The following DNAL1 variants were observed in gnomAD, a reference collection of about 807,000 sequenced individuals.
DNAL1 encodes the protein dynein axonemal light chain 1, also known as chromosome 14 open reading frame 168.
A neutral mutation model predicts 29.4 loss-of-function variants in DNAL1; 17 were observed. That is an observed-to-expected ratio of 0.58 (90% CI 0.40 to 0.87). The LOEUF (loss-of-function observed/expected upper bound fraction) is 0.87. Ranked by LOEUF, DNAL1 falls within the 40% of genes least tolerant of loss-of-function variation. The pLI is 0.00. For synonymous variants in DNAL1, 78 were observed against 76.3 expected (o/e 1.02, Z -0.12); for missense variants, 188 against 214.1 (o/e 0.88, Z 0.76).
intron 2 of DNAL1, among the ~76,000 whole-genome samples, chr14:73,658,262 G>A (rs950059541): frequency 1.6e-4 from 25 of 152,184 alleles, no homozygotes; most frequent in African/African-American, 6.0e-4. Context: ...ATTGGTCTGT[G>A]TATCTGCTTT....
Position 73,658,932 on chromosome 14 carries a change from C to G in DNAL1, c.128C>G (p.Ser43Cys). ...CCCCCTATAGAGAAGATGGATGCAT[C>G]CTTGTCCATGCTTGCTAATTGCGAG... ...QIPPIEKMDASLSMLANCEKL... is the reference protein window; with the variant it reads ...QIPPIEKMDACLSMLANCEKL... Residue 43 changes from serine to cysteine, a missense_variant, in exon 3 of 8, where the codon TCC (serine) becomes TGC (cysteine). By Grantham distance (112) the Ser-to-Cys change is moderately radical. Transcript: ENST00000553645. 1 of 1,537,562 alleles carries G rather than the reference C, an allele frequency of 6.5e-7. No homozygotes were observed. The highest frequency in any genetic ancestry group is 8.8e-7 in the Non-Finnish European group (1 of 1,141,420).
intron 5 of DNAL1, among the ~76,000 whole-genome samples, chr14:73,672,651 G>A (rs998524820): frequency 6.6e-6 from 1 of 151,106 alleles, no homozygotes; most frequent in Non-Finnish European, 1.5e-5. Flanking sequence ...TCAGATTCTG[G>A]GATTAAATAA....
chr14:73,693,245 AACC>A (rs1892219677), intron 7 of DNAL1, among the ~76,000 whole-genome samples: 1 of 150,446 alleles, frequency 6.6e-6, no homozygotes, highest in Non-Finnish European at 1.5e-5. Context: ...AACTTGGTAT[AACC>A]ACTTTGGGAA....
intron 4 of DNAL1, among the ~76,000 whole-genome samples, chr14:73,669,820 C>T (rs1222004269): frequency 2.6e-5 from 4 of 152,176 alleles, no homozygotes; most frequent in Non-Finnish European, 5.9e-5. Context: ...CCGGGGGACA[C>T]AGTTCAGCCC....
chr14:73,661,398 A>G (rs1425229253), intron 3 of DNAL1, among the ~76,000 whole-genome samples: 2 of 152,126 alleles, frequency 1.3e-5, no homozygotes, highest in African/African-American at 4.8e-5. Flanking sequence ...TTTCAGTAGG[A>G]TGTATTTCTA....
At chr14:73,667,762 A>G (rs1238212735) in intron 4 of DNAL1, among the ~76,000 whole-genome samples, 1 of 152,138 alleles carries the variant, frequency 6.6e-6, no homozygotes, top group Non-Finnish European at 1.5e-5. Flanking sequence ...TTGGCCTCCC[A>G]AAGTTCTGGG....
intron 4 of DNAL1, among the ~76,000 whole-genome samples, chr14:73,663,859 C>A (rs1326211985): frequency 6.6e-6 from 1 of 152,220 alleles, no homozygotes; most frequent in Non-Finnish European, 1.5e-5. Flanking sequence ...AAACTCCTCT[C>A]ACCTCTGTAG....
chr14:73,669,412 G>A (rs187914932), intron 4 of DNAL1, among the ~76,000 whole-genome samples: 552 of 152,182 alleles, frequency 3.6e-3, no homozygotes, highest in Non-Finnish European at 5.1e-3. Context: ...AAGTAGCTGG[G>A]ATTACAGGCA....
chr14:73,666,536 C>G (rs983345596), intron 4 of DNAL1, among the ~76,000 whole-genome samples: 3 of 152,012 alleles, frequency 2.0e-5, no homozygotes, highest in South Asian at 2.1e-4. Context: ...TAGTGGTACC[C>G]TACTTATGCA....
At chr14:73,677,883 TTTGTGTGTGTGTGTGTG>T in intron 5 of DNAL1, among the ~76,000 whole-genome samples, 1 of 125,366 alleles carries the variant, frequency 8.0e-6, no homozygotes, top group African/African-American at 3.2e-5. Context: ...TATATATATA[TTTGTGTGTGTGTGTGTG>T]TGTGTGTGTG....
intron 5 of DNAL1, among the ~76,000 whole-genome samples, chr14:73,678,637 T>A (rs1891802254): frequency 6.6e-6 from 1 of 151,948 alleles, no homozygotes; most frequent in Non-Finnish European, 1.5e-5. Flanking sequence ...TATCACAATA[T>A]TCAATGTGTA....
chr14:73,667,006 T>A (rs978750102), intron 4 of DNAL1, among the ~76,000 whole-genome samples: 1 of 151,874 alleles, frequency 6.6e-6, no homozygotes, highest in Non-Finnish European at 1.5e-5. Context: ...TCTAGAGTCA[T>A]GGCCTCACCA....
Position 73,697,288 on chromosome 14 carries a change from G to A in DNAL1, c.*1346G>A, listed in dbSNP as rs1286694229. On this transcript the variant is annotated 3_prime_UTR_variant, in exon 8 of 8. Coordinates refer to ENST00000553645, the MANE Select transcript of DNAL1 (RefSeq NM_031427.4). ...CCCATCTACTTGTGTGATTTTACTTGCATAAAATCACAGTGAAAGAGGGAA... is the reference window on the plus strand; with the variant it reads ...CCCATCTACTTGTGTGATTTTACTTACATAAAATCACAGTGAAAGAGGGAA... 1 of 152,148 alleles carries A rather than the reference G, an allele frequency of 6.6e-6. No homozygotes were observed. The highest frequency in any genetic ancestry group is 6.5e-5 in the Admixed American group (1 of 15,268). The allele number at this position is 152,148 out of a possible 1,614,324, so 9.4% of individuals were successfully genotyped here. A position where few individuals can be genotyped will look rare whatever the true frequency, so the allele number is the denominator to read the frequency against.
intron 7 of DNAL1, among the ~76,000 whole-genome samples, chr14:73,693,277 A>AG (rs139547440): frequency 0.28 from 42,749 of 151,884 alleles, 6,459 homozygotes; most frequent in Non-Finnish European, 0.33. Flanking sequence ...TATCTACAAA[A>AG]CTCTACACAT....
intron 7 of DNAL1, among the ~76,000 whole-genome samples, chr14:73,694,562 C>A (rs922773045): frequency 5.9e-5 from 9 of 151,396 alleles, no homozygotes; most frequent in African/African-American, 1.5e-4. Context: ...TTCAGTGTAT[C>A]CCCAATGTTC....
chr14:73,656,167 G>A (rs1001057603), intron 2 of DNAL1, among the ~76,000 whole-genome samples: 1 of 151,980 alleles, frequency 6.6e-6, no homozygotes, highest in Non-Finnish European at 1.5e-5. Flanking sequence ...GACAAAAGTC[G>A]ATAAAATAAT....
intron 5 of DNAL1, among the ~76,000 whole-genome samples, chr14:73,679,208 G>A (rs1303903046): frequency 6.6e-6 from 1 of 152,088 alleles, no homozygotes; most frequent in Non-Finnish European, 1.5e-5. Flanking sequence ...TATTGGCCGT[G>A]CTGGTCTGGA....
chr14:73,683,664 A>G (rs1474297437), intron 5 of DNAL1, among the ~76,000 whole-genome samples: 3 of 139,070 alleles, frequency 2.2e-5, no homozygotes, highest in Non-Finnish European at 4.5e-5. Flanking sequence ...TCTGCTCTCT[A>G]CTTCCATGAG....
rs146475675 is a variant in DNAL1, at chr14:73,669,214, C to G, written c.209-2328C>G. On this transcript the variant is annotated intron_variant, in intron 4 of 7. Transcript: ENST00000553645. ...GAGTGTAGTGGTGCAAACTCCTGTGCTGAAACCATCCTCCTGCCTCAGCCT... is the reference window on the plus strand; with the variant it reads ...GAGTGTAGTGGTGCAAACTCCTGTGGTGAAACCATCCTCCTGCCTCAGCCT... Among the ~76,000 whole-genome samples, 465 of 152,062 alleles carry G rather than the reference C, an allele frequency of 3.1e-3. 1 individual carries two copies. The highest frequency in any genetic ancestry group is 0.011 in the African/African-American group (447 of 41,466).
Sources: allele counts gnomAD v4.1 joint callset (sites outside exome capture counted in the v4.1 genomes callset), GRCh38; gene constraint gnomAD v4.1.1; transcripts MANE v1.5; gene names NCBI Gene and HGNC (gene_info 2026-07-23, HGNC 2026-07-21).